The following CTTNBP2 variants were observed in gnomAD, a reference collection of about 807,000 sequenced individuals.
The protein encoded by CTTNBP2 is cortactin-binding protein 2.
A neutral mutation model predicts 156.9 loss-of-function variants in CTTNBP2; 108 were observed. That is an observed-to-expected ratio of 0.69 (90% confidence interval 0.59 to 0.81). CTTNBP2 has a LOEUF of 0.81. Among genes scored for constraint, CTTNBP2 ranks in the 30% least tolerant of loss-of-function variants. CTTNBP2 has a pLI of 0.00. For synonymous variants in CTTNBP2, 767 were observed against 751.8 expected (o/e 1.02, Z -0.33); for missense variants, 1,924 against 2,035.4 (o/e 0.95, Z 1.05).
chr7:117,779,581 CCA>C (rs1040168580), intron 7 of CTTNBP2, among the ~76,000 whole-genome samples: 2 of 151,896 alleles, frequency 1.3e-5, no homozygotes, highest in East Asian at 1.9e-4. Flanking sequence ...GTGTGTAACA[CCA>C]CAGATTTCTC....
chr7:117,832,174 T>C (rs1041331833), intron 2 of CTTNBP2, among the ~76,000 whole-genome samples: 2 of 152,208 alleles, frequency 1.3e-5, no homozygotes, highest in East Asian at 1.9e-4. Flanking sequence ...GAGACATCAC[T>C]TCCCCCCTGC....
Position 117,773,692 on chromosome 7 carries a change from CACACACACACACACA to C in CTTNBP2, c.2778+3804_2778+3818del, listed in dbSNP as rs1562992415. ...ACACACACACACACACACACACACA[CACACACACACACACA>C]CCCCAAAAAACAAAAAGCAGAAAAA... On this transcript the variant is annotated intron_variant, in intron 8 of 22. Transcript: ENST00000160373. 2.3e-3 allele frequency among the ~76,000 whole-genome samples: 348 copies of C among 148,448 alleles called. 4 individuals carry two copies. Among genetic ancestry groups the C allele is most frequent in the African/African-American group, 8.1e-3 (317 of 38,960 alleles).
chr7:117,799,474 AC>A (rs1799497741), intron 3 of CTTNBP2, among the ~76,000 whole-genome samples: 2 of 151,998 alleles, frequency 1.3e-5, no homozygotes, highest in South Asian at 4.1e-4. Flanking sequence ...TAAAAAAAAA[AC>A]CTTCCAACAA....
chr7:117,800,002 C>G (rs1044110375), intron 3 of CTTNBP2, among the ~76,000 whole-genome samples: 1 of 151,982 alleles, frequency 6.6e-6, no homozygotes. Flanking sequence ...GATTAAAGAT[C>G]TAAATAAATG....
intron 16 of CTTNBP2, among the ~76,000 whole-genome samples, chr7:117,731,655 A>G (rs945948957): frequency 2.0e-5 from 3 of 152,228 alleles, no homozygotes; most frequent in Non-Finnish European, 2.9e-5. Flanking sequence ...GTGTGCCACA[A>G]AGTGAGGATT....
intron 9 of CTTNBP2, among the ~76,000 whole-genome samples, chr7:117,764,981 G>A (rs187295478): frequency 1.2e-3 from 189 of 152,246 alleles, no homozygotes; most frequent in Non-Finnish European, 1.3e-3. Flanking sequence ...TGTCACCCAG[G>A]CTGGAGTGCA....
intron 2 of CTTNBP2, among the ~76,000 whole-genome samples, chr7:117,829,387 T>TA (rs1801474292): frequency 6.6e-6 from 1 of 152,234 alleles, no homozygotes. Context: ...TGTCTGTTCT[T>TA]AAAACCCATC....
intron 1 of CTTNBP2, 115 bp from the exon 2 acceptor site, chr7:117,861,431 C>G: frequency 1.5e-6 from 1 of 679,566 alleles, no homozygotes; most frequent in South Asian, 1.9e-5. Context: ...ATCCAGCAGG[C>G]ACCGGGGTAC....
At chr7:117,862,683 ATC>A (rs1443011991) in intron 1 of CTTNBP2, among the ~76,000 whole-genome samples, 2 of 152,040 alleles carry the variant, frequency 1.3e-5, no homozygotes, top group African/African-American at 4.8e-5. Flanking sequence ...TTATCCCCAA[ATC>A]TCTCTGTAGA....
chr7:117,869,069 G>A (rs1804403150), intron 1 of CTTNBP2, among the ~76,000 whole-genome samples: 1 of 152,156 alleles, frequency 6.6e-6, no homozygotes. Flanking sequence ...GATGGTAGAG[G>A]TGCAGCCTCA....
chr7:117,807,548 A>G (rs1192109892), intron 3 of CTTNBP2, among the ~76,000 whole-genome samples: 1 of 152,214 alleles, frequency 6.6e-6, no homozygotes, highest in Non-Finnish European at 1.5e-5. Flanking sequence ...TCTCTACTTT[A>G]TGATTCTCCC....
Position 117,711,402 on chromosome 7 carries a change from A to G in CTTNBP2, c.*135T>C. The G allele has an allele frequency of 1.1e-6, 1 of 952,088 alleles. No homozygotes were observed. 59.0% of individuals were successfully genotyped at this position (952,088 alleles called of 1,614,324 possible). On this transcript the variant is annotated 3_prime_UTR_variant, in exon 23 of 23. Coordinates refer to ENST00000160373, the MANE Select transcript of CTTNBP2 (RefSeq NM_033427.3). The stretch of plus-strand genomic sequence containing the variant: ...ATAAATACATTCTTTACAAAAAAAA[A>G]TTGAATAGTGGTCCCGCACTCATAA...
intron 4 of CTTNBP2, among the ~76,000 whole-genome samples, chr7:117,787,356 G>A (rs931114554): frequency 1.1e-4 from 16 of 152,206 alleles, no homozygotes; most frequent in African/African-American, 3.9e-4. Flanking sequence ...GACATGCAAT[G>A]GCAGAGGGAA....
At chr7:117,804,505 GAC>G (rs1799814937) in intron 3 of CTTNBP2, among the ~76,000 whole-genome samples, 1 of 152,086 alleles carries the variant, frequency 6.6e-6, no homozygotes, top group Non-Finnish European at 1.5e-5. Flanking sequence ...CAATAGCAAA[GAC>G]ACAGAATCAA....
chr7:117,747,642 G>T (rs1394067364), intron 12 of CTTNBP2, among the ~76,000 whole-genome samples: 6 of 152,134 alleles, frequency 3.9e-5, no homozygotes, highest in African/African-American at 1.4e-4. Context: ...GTGTGGTGGT[G>T]GGTGCCTGTA....
At chr7:117,727,264 T>G (rs1413117747) in intron 17 of CTTNBP2, among the ~76,000 whole-genome samples, 3 of 152,300 alleles carry the variant, frequency 2.0e-5, no homozygotes, top group African/African-American at 7.2e-5. Context: ...TAATCAAAGC[T>G]CACTGCAGTC....
intron 3 of CTTNBP2, among the ~76,000 whole-genome samples, chr7:117,796,984 T>C (rs1050778153): frequency 6.6e-6 from 1 of 151,718 alleles, no homozygotes; most frequent in East Asian, 1.9e-4. Context: ...ATAAAAGAGG[T>C]AGAAATGAGA....
chr7:117,834,459 CT>C lies in CTTNBP2; in HGVS notation c.190-23471del, dbSNP rs547921763. On this transcript the variant is annotated intron_variant, in intron 2 of 22. Transcript: ENST00000160373. ...ACAGAGAAGACAATCTGACTCTGAA[CT>C]GAGAACTTATGCTAATATCCTTTTT... Among the ~76,000 whole-genome samples, 193 of 152,328 alleles carry C rather than the reference CT, an allele frequency of 1.3e-3. 4 individuals carry two copies. Among genetic ancestry groups the C allele is most frequent in the Admixed American group, 0.011 (172 of 15,298 alleles).
chr7:117,723,422 C>CT (rs1562952355), intron 19 of CTTNBP2, among the ~76,000 whole-genome samples: 1 of 152,156 alleles, frequency 6.6e-6, no homozygotes, highest in African/African-American at 2.4e-5. Context: ...AGAAACCCCA[C>CT]TGCTATAAAG....
Sources: allele counts gnomAD v4.1 joint callset (sites outside exome capture counted in the v4.1 genomes callset), GRCh38; gene constraint gnomAD v4.1.1; transcripts MANE v1.5; gene names NCBI Gene and HGNC (gene_info 2026-07-23, HGNC 2026-07-21).